The following MGAT4C variants were observed in gnomAD, a reference collection of about 807,000 sequenced individuals.
The protein encoded by MGAT4C is MGAT4 family member C.
In MGAT4C, 19 loss-of-function variants were observed where a neutral mutation model predicts 40.1. The ratio of observed to expected loss-of-function variants is 0.47; its 90% CI spans 0.33 to 0.70. MGAT4C has a LOEUF of 0.70. Ranked by LOEUF, MGAT4C falls within the 30% of genes least tolerant of loss-of-function variation. The pLI is 0.02. For missense variants in MGAT4C, 491 were observed against 563.2 expected (o/e 0.87, Z 1.30); for synonymous variants, 181 against 187.1 (o/e 0.97, Z 0.27).
intron 2 of MGAT4C, among the ~76,000 whole-genome samples, chr12:86,502,656 T>A (rs145081763): frequency 6.9e-6 from 1 of 144,002 alleles, no homozygotes; most frequent in Non-Finnish European, 1.5e-5. Context: ...ATATACATGA[T>A]TTCTGCTCAT....
chr12:86,480,617 C>T (rs181567146), intron 2 of MGAT4C, among the ~76,000 whole-genome samples: 5 of 151,260 alleles, frequency 3.3e-5, no homozygotes, highest in Admixed American at 3.3e-4. Context: ...TACACATATA[C>T]ATATGTATGT....
chr12:86,453,013 T>G (rs987977234), intron 2 of MGAT4C, among the ~76,000 whole-genome samples: 15 of 152,200 alleles, frequency 9.9e-5, no homozygotes, highest in Non-Finnish European at 1.6e-4. Flanking sequence ...AAACTCTTAT[T>G]GTTGCTCTTC....
At chr12:86,337,670 G>A (rs1176396461) in intron 3 of MGAT4C, among the ~76,000 whole-genome samples, 1 of 151,500 alleles carries the variant, frequency 6.6e-6, no homozygotes, top group Non-Finnish European at 1.5e-5. Flanking sequence ...GATAGTAGAA[G>A]CTAAAACTTT....
chr12:86,015,985 C>T (rs975903684), intron 2 of MGAT4C: 6 of 151,950 alleles, frequency 3.9e-5, no homozygotes, highest in African/African-American at 9.7e-5. Flanking sequence ...TCACATTGAA[C>T]GCCAGTGGAA....
intron 3 of MGAT4C, among the ~76,000 whole-genome samples, chr12:86,432,654 T>C (rs1490618366): frequency 6.6e-6 from 1 of 152,012 alleles, no homozygotes; most frequent in Non-Finnish European, 1.5e-5. Flanking sequence ...AAATAATCTG[T>C]ATCTTCTCAG....
chr12:86,820,342 A>G (rs1952683837), intron 1 of MGAT4C, among the ~76,000 whole-genome samples: 1 of 150,820 alleles, frequency 6.6e-6, no homozygotes, highest in South Asian at 2.1e-4. Context: ...GTGACTCAGT[A>G]TGACAAAGAC....
At chr12:86,566,394 T>C (rs1293867699) in intron 2 of MGAT4C, among the ~76,000 whole-genome samples, 2 of 151,276 alleles carry the variant, frequency 1.3e-5, no homozygotes, top group African/African-American at 4.9e-5. Flanking sequence ...CCGTGGTGGA[T>C]GCTCCCTGCC....
At chr12:86,676,318 G>C (rs1443288979) in intron 2 of MGAT4C, among the ~76,000 whole-genome samples, 2 of 152,142 alleles carry the variant, frequency 1.3e-5, no homozygotes, top group Non-Finnish European at 2.9e-5. Context: ...GGAAAGCATG[G>C]AAAGCTTAAT....
chr12:86,077,376 A>G (rs1279042656), intron 1 of MGAT4C, among the ~76,000 whole-genome samples: 29 of 152,238 alleles, frequency 1.9e-4, no homozygotes, highest in Non-Finnish European at 2.9e-5. Context: ...CAATACTTAA[A>G]TGCTGATGTG....
chr12:86,013,317 G>T (rs1888705907), intron 2 of MGAT4C, among the ~76,000 whole-genome samples: 1 of 152,044 alleles, frequency 6.6e-6, no homozygotes, highest in Admixed American at 6.5e-5. Flanking sequence ...GCAGTGGCGC[G>T]ATCTCGGTTC....
intron 2 of MGAT4C, among the ~76,000 whole-genome samples, chr12:86,502,657 T>A (rs1409552882): frequency 6.8e-6 from 1 of 147,122 alleles, no homozygotes; most frequent in African/African-American, 2.5e-5. Context: ...TATACATGAT[T>A]TCTGCTCATA....
At chr12:86,003,476 A>G (rs1166392923) in intron 2 of MGAT4C, among the ~76,000 whole-genome samples, 2 of 152,166 alleles carry the variant, frequency 1.3e-5, no homozygotes, top group Non-Finnish European at 2.9e-5. Flanking sequence ...CAAGACAGCC[A>G]TAAAACCAAA....
At chr12:86,217,511 G>A (rs572960817) in intron 1 of MGAT4C, among the ~76,000 whole-genome samples, 3 of 152,214 alleles carry the variant, frequency 2.0e-5, no homozygotes, top group East Asian at 3.9e-4. Context: ...CATGTTTTGT[G>A]CCACATTGAT....
chr12:86,144,520 C>A (rs758324876), intron 1 of MGAT4C, among the ~76,000 whole-genome samples: 1 of 152,124 alleles, frequency 6.6e-6, no homozygotes, highest in African/African-American at 2.4e-5. Context: ...CATTTCATCA[C>A]AACATTGTCA....
intron 2 of MGAT4C, among the ~76,000 whole-genome samples, chr12:86,515,659 A>G (rs1958671634): frequency 6.6e-6 from 1 of 152,206 alleles, no homozygotes; most frequent in African/African-American, 2.4e-5. Flanking sequence ...AGACATAAAG[A>G]AAACAGCATT....
chr12:86,009,261 T>G (rs746764166), intron 2 of MGAT4C, among the ~76,000 whole-genome samples: 4 of 152,228 alleles, frequency 2.6e-5, no homozygotes, highest in Non-Finnish European at 4.4e-5. Context: ...ACTCTTCTTT[T>G]CTGTGTGCGT....
intron 1 of MGAT4C, among the ~76,000 whole-genome samples, chr12:86,095,675 G>T (rs764235853): frequency 6.7e-6 from 1 of 148,398 alleles, no homozygotes. Flanking sequence ...ATTGGAACTC[G>T]TTGGCAACTT....
At chr12:86,582,762 A>C (rs1960841675) in intron 2 of MGAT4C, among the ~76,000 whole-genome samples, 1 of 151,206 alleles carries the variant, frequency 6.6e-6, no homozygotes, top group Non-Finnish European at 1.5e-5. Flanking sequence ...AGAAATGGAG[A>C]AGTAGAGTCC....
At chr12:86,454,011 G>A (rs1426112304) in intron 2 of MGAT4C, among the ~76,000 whole-genome samples, 2 of 151,948 alleles carry the variant, frequency 1.3e-5, no homozygotes, top group African/African-American at 4.8e-5. Context: ...AAACACATTA[G>A]GGCATTACTT....
Sources: gnomAD v4.1 joint callset for allele counts (sites outside exome capture counted in the v4.1 genomes callset) on GRCh38, gnomAD v4.1.1 for gene constraint, MANE v1.5 for transcripts, NCBI Gene and HGNC (gene_info 2026-07-23, HGNC 2026-07-21) for gene names.